Variants in TNNI2 observed in about 807,000 individuals in gnomAD.
TNNI2 encodes the protein troponin I, fast skeletal muscle.
A neutral mutation model predicts 26.5 loss-of-function variants in TNNI2; 14 were observed. The ratio of observed to expected loss-of-function variants is 0.53; its 90% CI spans 0.35 to 0.83. The LOEUF is 0.83. Among genes scored for constraint, TNNI2 ranks in the 40% least tolerant of loss-of-function variants. The pLI, the probability that TNNI2 is intolerant of heterozygous loss-of-function variation, is 0.01. For synonymous variants in TNNI2, 126 were observed against 97.6 expected (o/e 1.29, Z -1.71); for missense variants, 205 against 248.5 (o/e 0.82, Z 1.18).
chr11:1,839,498 G>A, intron 1 of TNNI2, 177 bp from the exon 2 acceptor site: 2 of 630,756 alleles, frequency 3.2e-6, no homozygotes, highest in Non-Finnish European at 5.6e-6. Context: ...TCTCACCCTG[G>A]GGAATTCCAA....
chr11:1,840,553 C>A lies in TNNI2; in HGVS notation c.83C>A (p.Thr28Lys). 1 of 1,612,416 alleles carries A rather than the reference C, an allele frequency of 6.2e-7. No homozygotes were observed. Among genetic ancestry groups the A allele is most frequent in the Non-Finnish European group, 8.5e-7 (1 of 1,179,746 alleles). The change falls in exon 5 of 8, where the codon ACG (threonine) becomes AAG (lysine). Residue 28 changes from threonine (T) to lysine (K), a missense_variant. Physicochemically the swap from Thr to Lys is moderately conservative, Grantham distance 78 (BLOSUM62 -1). Transcript: ENST00000381911. ...LKSVMLQIAA[T>K]ELEKEESRRE... ...AGTGTGATGCTGCAGATAGCGGCCA[C>A]GGAGCTGGAGAAGGAGGAGAGCCGC...
chr11:1,840,315 C>A, intron 3 of TNNI2, 88 bp from the exon 4 acceptor site: 1 of 1,548,162 alleles, frequency 6.5e-7, no homozygotes, highest in South Asian at 1.2e-5. Context: ...GGAGCCGGAG[C>A]CCCTGACCTG....
rs567325441 is a variant in TNNI2, at chr11:1,840,122, C to T, written c.15+267C>T. The T allele has an allele frequency of 3.3e-4, 440 of 1,323,188 alleles. 3 individuals are homozygous for T. The highest frequency in any genetic ancestry group is 4.4e-4 in the Non-Finnish European group (417 of 945,974). The allele number at this position is 1,323,188 out of a possible 1,614,324, so 82.0% of individuals were successfully genotyped here. On this transcript the variant is annotated intron_variant, in intron 3 of 7. Coordinates refer to ENST00000381911, the MANE Select transcript of TNNI2 (RefSeq NM_003282.4). The stretch of plus-strand genomic sequence containing the variant: ...CTGATTCCTGCACTTCCCGCCCCCA[C>T]CTCACCGGCCGACCTGCCCCCAACT...
rs1420664140 is a variant in TNNI2 at position 1,841,145 on chromosome 11, C to T, written c.391C>T (p.His131Tyr). Reference protein sequence around the residue: ...AMLKALLGSKHKVCMDLRANL... With the variant: ...AMLKALLGSKYKVCMDLRANL... The stretch of plus-strand genomic sequence containing the variant: ...GCTCAAGGCCCTGCTGGGCTCGAAG[C>T]ACAAGGTGTGCATGGACCTGAGGGC... Residue 131 changes from histidine to tyrosine, a missense_variant, in exon 7 of 8, where the codon CAC becomes TAC. By Grantham distance (83) the His-to-Tyr change is moderately conservative. Transcript: ENST00000381911. 6.2e-7 allele frequency: 1 copy of T among 1,613,166 alleles called. No individual in the cohort carries two copies. Among genetic ancestry groups the T allele is most frequent in the Non-Finnish European group, 8.5e-7 (1 of 1,180,004 alleles).
In TNNI2 at chr11:1,840,608, G is replaced by A. The variant is rs79448870; in HGVS notation, c.138G>A (p.Ala46=). The part of the protein sequence containing the change: ...RREAEKQNYL[A]EHCPPLHIPG... ...AGGCAGAGAAGCAGAACTACCTGGC[G>A]GAGCACTGCCCGCCGCTGCATATCC... Residue 46 remains alanine, a synonymous_variant, in exon 5 of 8, where the codon GCG becomes GCA. Transcript: ENST00000381911. 3.9e-5 allele frequency: 63 copies of A among 1,612,780 alleles called. No individual in the cohort carries two copies. In the East Asian group the frequency reaches 1.1e-3, roughly 27 times the overall value.
intron 3 of TNNI2, 100 bp from the exon 4 acceptor site, chr11:1,840,303 C>CA: frequency 6.5e-7 from 1 of 1,546,078 alleles, no homozygotes; most frequent in Non-Finnish European, 8.7e-7. Context: ...TCTGCTGGTC[C>CA]CGGAGCCGGA....
chr11:1,840,711 C>T, intron 5 of TNNI2, 55 bp downstream of exon 5: 1 of 1,611,318 alleles, frequency 6.2e-7, no homozygotes, highest in Non-Finnish European at 8.5e-7. Flanking sequence ...TGCCTGCTAA[C>T]TCAGTTTCCC....
chr11:1,840,064 G>A, intron 3 of TNNI2: 1 of 1,073,100 alleles, frequency 9.3e-7, no homozygotes, highest in Non-Finnish European at 1.4e-6. Flanking sequence ...AAGTGTGGCT[G>A]TGGCCTGGTC....
At chr11:1,841,004 G>T (rs772837102) in intron 6 of TNNI2, 27 bp from the exon 7 acceptor site, 8 of 1,608,190 alleles carry the variant, frequency 5.0e-6, no homozygotes, top group Non-Finnish European at 5.9e-6. Context: ...GGGACCTCGG[G>T]CTCCCACCCG....
intron 1 of TNNI2, 102 bp from the exon 2 acceptor site, chr11:1,839,573 G>A: frequency 2.5e-6 from 3 of 1,214,632 alleles, no homozygotes; most frequent in East Asian, 5.2e-5. Flanking sequence ...GGCGGGAGGG[G>A]GCTGTCATCA....
intron 7 of TNNI2, 83 bp downstream of exon 7, chr11:1,841,290 C>T: frequency 6.3e-7 from 1 of 1,575,746 alleles, no homozygotes; most frequent in Non-Finnish European, 8.6e-7. Flanking sequence ...GGACCACCTC[C>T]CACACCTGCC....
intron 3 of TNNI2, 102 bp downstream of exon 3, chr11:1,839,957 T>G: frequency 6.5e-7 from 1 of 1,545,234 alleles, no homozygotes. Flanking sequence ...CCAGAGAAGA[T>G]GGCCTGGCCC....
chr11:1,839,190 T>C (rs1034658559), intron 1 of TNNI2, among the ~76,000 whole-genome samples, 157 bp downstream of exon 1: 3 of 152,074 alleles, frequency 2.0e-5, no homozygotes, highest in Non-Finnish European at 4.4e-5. Flanking sequence ...AGGAGAGGCT[T>C]TGGGGAGGCA....
At chr11:1,839,425 G>C in intron 1 of TNNI2, 24 of 319,670 alleles carry the variant, frequency 7.5e-5, no homozygotes, top group Non-Finnish European at 1.1e-4. Flanking sequence ...ACCCTCCCTC[G>C]GGGACAGCTG....
chr11:1,840,365 G>A, intron 3 of TNNI2, 38 bp from the exon 4 acceptor site: 1 of 1,593,174 alleles, frequency 6.3e-7, no homozygotes, highest in Non-Finnish European at 8.5e-7. Flanking sequence ...CTCCAGGCCT[G>A]GAGGCCCTGA....
At chr11:1,841,359 C>A (rs969693694) in intron 7 of TNNI2, 97 bp from the exon 8 acceptor site, 42 of 1,532,186 alleles carry the variant, frequency 2.7e-5, no homozygotes, top group Non-Finnish European at 3.7e-5. Flanking sequence ...CACTCCACTG[C>A]CCAATGCAGA....
intron 2 of TNNI2, 65 bp from the exon 3 acceptor site, chr11:1,839,784 G>A (rs367811813): frequency 1.2e-5 from 20 of 1,611,746 alleles, no homozygotes; most frequent in East Asian, 2.2e-5. Flanking sequence ...CTCCGACCCC[G>A]CCAGCCATGG....
Position 1,841,081 on chromosome 11 carries a change from G to T in TNNI2, c.327G>T (p.Arg109=). The change falls in exon 7 of 8, where the codon CGG becomes CGT. Residue 109 remains arginine, a synonymous_variant. Coordinates refer to ENST00000381911, the MANE Select transcript of TNNI2 (RefSeq NM_003282.4). ...TTGATCTGCGGGGCAAGTTCAAGCG[G>T]CCCCCACTGCGGAGGGTGCGCATGT... is the stretch of plus-strand genomic sequence containing the variant. The part of the protein sequence containing the change: ...KLFDLRGKFK[R]PPLRRVRMSA... The T allele has an allele frequency of 6.2e-7, 1 of 1,613,182 alleles. No homozygotes were observed. The highest frequency in any genetic ancestry group is 2.2e-5 in the East Asian group (1 of 44,874).
At chr11:1,840,309 C>T in intron 3 of TNNI2, 94 bp from the exon 4 acceptor site, 1 of 1,547,076 alleles carries the variant, frequency 6.5e-7, no homozygotes, top group East Asian at 2.4e-5. Flanking sequence ...GGTCCCGGAG[C>T]CGGAGCCCCT....
Sources: gnomAD v4.1 joint callset for allele counts (sites outside exome capture counted in the v4.1 genomes callset) on GRCh38, gnomAD v4.1.1 for gene constraint, MANE v1.5 for transcripts, NCBI Gene and HGNC (gene_info 2026-07-23, HGNC 2026-07-21) for gene names.